The following BCAT1 variants were observed in gnomAD, a reference collection of about 807,000 sequenced individuals.
BCAT1 encodes branched chain amino acid transaminase 1, also known as branched-chain-amino-acid aminotransferase, cytosolic.
A neutral mutation model predicts 52.4 loss-of-function variants in BCAT1; 48 were observed. The observed-to-expected ratio is 0.92, with a 90% CI of 0.73 to 1.16. The LOEUF (loss-of-function observed/expected upper bound fraction) is 1.16. Among genes scored for constraint, BCAT1 ranks in the 50% most tolerant of loss-of-function variants. The pLI is 0.00. For missense variants in BCAT1, 451 were observed against 457.1 expected, an observed-to-expected ratio of 0.99 and a Z score of 0.12; for synonymous variants, 167 against 161.3, an observed-to-expected ratio of 1.04 and a Z score of -0.27.
chr12:24,944,179 T>C (rs981116203), intron 1 of BCAT1, among the ~76,000 whole-genome samples: 4 of 152,208 alleles, frequency 2.6e-5, no homozygotes, highest in Non-Finnish European at 5.9e-5. Context: ...TGCTTCCCCA[T>C]GTAGACTTCG....
chr12:24,863,763 A>T (rs1941920188), intron 5 of BCAT1, among the ~76,000 whole-genome samples: 1 of 152,104 alleles, frequency 6.6e-6, no homozygotes, highest in Admixed American at 6.5e-5. Context: ...AGACCCCATC[A>T]ATACAAAAAA....
intron 6 of BCAT1, among the ~76,000 whole-genome samples, chr12:24,849,223 C>A (rs1318424968): frequency 6.6e-6 from 1 of 152,268 alleles, no homozygotes; most frequent in Non-Finnish European, 1.5e-5. Flanking sequence ...TTATTTCCTG[C>A]CAGCTACATA....
At chr12:24,825,572 A>G (rs1940360376) in intron 10 of BCAT1, among the ~76,000 whole-genome samples, 1 of 150,842 alleles carries the variant, frequency 6.6e-6, no homozygotes, top group Non-Finnish European at 1.5e-5. Context: ...GCATTTTTTC[A>G]TGTACCTCCT....
chr12:24,836,425 G>A (rs996524992), intron 8 of BCAT1, 86 bp downstream of exon 8: 1 of 1,143,542 alleles, frequency 8.7e-7, no homozygotes. Flanking sequence ...TGGAACCACA[G>A]GATATTATTT....
intron 1 of BCAT1, among the ~76,000 whole-genome samples, chr12:24,933,428 G>A (rs1591887627): frequency 6.6e-6 from 1 of 152,202 alleles, no homozygotes; most frequent in East Asian, 1.9e-4. Context: ...GTCCCAGTTT[G>A]TGCTCATAAC....
intron 3 of BCAT1, among the ~76,000 whole-genome samples, chr12:24,887,003 C>A (rs1348683179): frequency 1.5e-5 from 2 of 130,106 alleles, no homozygotes; most frequent in Non-Finnish European, 3.1e-5. Context: ...GTGGAGATTA[C>A]AGTGAGCCAA....
At position 24,922,207 on chromosome 12, in the gene BCAT1, C is replaced by T. The variant is rs1943508373; in HGVS notation, c.7-20322G>A. Reference sequence around the variant, plus strand: ...CTCATTACATTGTCCAGGCTGGAGTCCAGTGGCTATTGATAGACGTGATCA... The same window carrying T: ...CTCATTACATTGTCCAGGCTGGAGTTCAGTGGCTATTGATAGACGTGATCA... On this transcript the variant is annotated intron_variant, in intron 1 of 10. Coordinates refer to ENST00000261192, the MANE Select transcript of BCAT1 (RefSeq NM_005504.7). Among the ~76,000 whole-genome samples the T allele has an allele frequency of 3.9e-5, 6 of 152,118 alleles. No homozygotes were observed. The South Asian group carries it at 1.0e-3, about 26-fold the overall frequency.
chr12:24,889,918 T>C (rs1444015655), intron 3 of BCAT1, among the ~76,000 whole-genome samples: 4 of 152,088 alleles, frequency 2.6e-5, no homozygotes, highest in Admixed American at 6.5e-5. Flanking sequence ...GAAGCTTCCA[T>C]AAAAACCCAA....
At chr12:24,932,467 T>C (rs1227864876) in intron 1 of BCAT1, among the ~76,000 whole-genome samples, 4 of 152,266 alleles carry the variant, frequency 2.6e-5, no homozygotes, top group African/African-American at 9.6e-5. Flanking sequence ...GTACCAGCTT[T>C]CTCTCAGTTC....
chr12:24,946,218 A>T (rs1046697683), intron 1 of BCAT1, among the ~76,000 whole-genome samples: 1 of 152,246 alleles, frequency 6.6e-6, no homozygotes, highest in African/African-American at 2.4e-5. Context: ...AGTTAGGTTA[A>T]TAACACCACT....
At chr12:24,897,609 A>C (rs1942990268) in intron 2 of BCAT1, among the ~76,000 whole-genome samples, 1 of 152,202 alleles carries the variant, frequency 6.6e-6, no homozygotes, top group African/African-American at 2.4e-5. Flanking sequence ...GCGGAAGAGC[A>C]GTGATGTGAT....
intron 1 of BCAT1, among the ~76,000 whole-genome samples, chr12:24,927,052 C>T (rs1387646894): frequency 2.0e-5 from 3 of 152,026 alleles, no homozygotes; most frequent in Non-Finnish European, 4.4e-5. Context: ...TCTCCAAACC[C>T]CAGTTCAACT....
intron 5 of BCAT1, among the ~76,000 whole-genome samples, chr12:24,867,337 C>CT (rs35488171): frequency 1.9e-3 from 244 of 128,800 alleles, no homozygotes; most frequent in Middle Eastern, 7.8e-3. Context: ...TCGAAAATAT[C>CT]TTTTTTTTTT....
chr12:24,895,534 A>G (rs948833067), intron 2 of BCAT1, among the ~76,000 whole-genome samples: 1 of 151,984 alleles, frequency 6.6e-6, no homozygotes, highest in African/African-American at 2.4e-5. Flanking sequence ...TCAGAAAAAA[A>G]AAAAAGAAAA....
At chr12:24,877,131 G>A (rs555908587) in intron 5 of BCAT1, among the ~76,000 whole-genome samples, 5 of 152,196 alleles carry the variant, frequency 3.3e-5, no homozygotes, top group African/African-American at 7.2e-5. Context: ...AAAACACTTC[G>A]GTATTTATTC....
intron 5 of BCAT1, 114 bp downstream of exon 5, chr12:24,878,416 C>T: frequency 1.1e-6 from 1 of 923,160 alleles, no homozygotes; most frequent in Non-Finnish European, 1.5e-6. Context: ...AGGAAGAAGT[C>T]ATTAATGATG....
intron 1 of BCAT1, among the ~76,000 whole-genome samples, chr12:24,943,767 G>C (rs2352747): frequency 1.3e-5 from 2 of 152,010 alleles, no homozygotes; most frequent in Non-Finnish European, 2.9e-5. Flanking sequence ...GGCAGATCAC[G>C]AGGTCAGGAG....
chr12:24,930,868 C>A (rs2353473), intron 1 of BCAT1, among the ~76,000 whole-genome samples: 135,231 of 148,560 alleles, frequency 0.91, 62,005 homozygotes, highest in East Asian at 1. Flanking sequence ...CTCCATGCTC[C>A]GCACTGAAGC....
intron 1 of BCAT1, among the ~76,000 whole-genome samples, chr12:24,928,704 TTTGTTG>T (rs71063374): frequency 0.069 from 9,876 of 144,064 alleles, 342 homozygotes; most frequent in Middle Eastern, 0.093. Context: ...GTGTGAAATG[TTTGTTG>T]TTGTTGTTGT....
Sources: gnomAD v4.1 joint callset for allele counts (sites outside exome capture counted in the v4.1 genomes callset) on GRCh38, gnomAD v4.1.1 for gene constraint, MANE v1.5 for transcripts, NCBI Gene and HGNC (gene_info 2026-07-23, HGNC 2026-07-21) for gene names.